The following RAB6A variants were observed in gnomAD, a reference collection of about 807,000 sequenced individuals.
RAB6A encodes ras-related protein Rab-6A.
A neutral mutation model predicts 32.3 loss-of-function variants in RAB6A; 8 were observed. That is an observed-to-expected ratio of 0.25 (90% CI 0.15 to 0.45). The LOEUF (loss-of-function observed/expected upper bound fraction) is 0.45. Ranked by LOEUF, RAB6A falls within the 20% of genes least tolerant of loss-of-function variation. RAB6A has a pLI of 1.00. For missense variants in RAB6A, 104 were observed against 249.4 expected (o/e 0.42, Z 3.93); for synonymous variants, 73 against 82.1 (o/e 0.89, Z 0.60).
In RAB6A at chr11:73,760,103, A is replaced by C. The variant is rs959709595; in HGVS notation, c.70+463T>G. 3 of 1,291,034 alleles carry C rather than the reference A, an allele frequency of 2.3e-6. No homozygotes were observed. In the African/African-American group the frequency reaches 4.6e-5, roughly 20 times the overall value. 80.0% of individuals were successfully genotyped at this position (1,291,034 alleles called of 1,614,324 possible). On this transcript the variant is annotated intron_variant, in intron 1 of 7. Coordinates refer to ENST00000336083, the MANE Select transcript of RAB6A (RefSeq NM_198896.2). ...AGCCTCTGGGGAAAACAACGCCCAGATCCCACCCTCCTTGGCCAAGGTTGA... is the reference window on the plus strand; with the variant it reads ...AGCCTCTGGGGAAAACAACGCCCAGCTCCCACCCTCCTTGGCCAAGGTTGA...
chr11:73,717,138 G>A (rs189686205), intron 4 of RAB6A, among the ~76,000 whole-genome samples: 1 of 152,150 alleles, frequency 6.6e-6, no homozygotes, highest in African/African-American at 2.4e-5. Flanking sequence ...AAGTAAAGGT[G>A]CAAAGGAAGA....
At chr11:73,743,755 T>C (rs1188977410) in intron 1 of RAB6A, among the ~76,000 whole-genome samples, 2 of 152,194 alleles carry the variant, frequency 1.3e-5, no homozygotes, top group Non-Finnish European at 2.9e-5. Flanking sequence ...CTATGTACTT[T>C]AGAGGCTCTG....
chr11:73,711,540 ATATTACAAATAGTGCTAGG>A lies in RAB6A; in HGVS notation c.402-4046_402-4028del, dbSNP rs1387675291. Among the ~76,000 whole-genome samples, 11 of 152,316 alleles carry A rather than the reference ATATTACAAATAGTGCTAGG, an allele frequency of 7.2e-5. No homozygotes were observed. The East Asian group carries it at 1.5e-3, about 21-fold the overall frequency. The stretch of plus-strand genomic sequence containing the variant: ...CACCTGCGTTGTTTACAGTCTTTAG[ATATTACAAATAGTGCTAGG>A]TATTACAAATAGTGCTATAGGAAAT... On this transcript the variant is annotated intron_variant, in intron 5 of 7. Coordinates refer to ENST00000336083, the MANE Select transcript of RAB6A (RefSeq NM_198896.2).
At chr11:73,693,713 G>A (rs1033199210) in intron 6 of RAB6A, among the ~76,000 whole-genome samples, 13 of 151,946 alleles carry the variant, frequency 8.6e-5, no homozygotes, top group Admixed American at 3.9e-4. Flanking sequence ...GTGAGACCTC[G>A]TCTCTACTAA....
At chr11:73,734,951 T>G (rs921303077) in intron 1 of RAB6A, among the ~76,000 whole-genome samples, 9 of 152,212 alleles carry the variant, frequency 5.9e-5, no homozygotes, top group South Asian at 2.1e-4. Context: ...AAGCCTGAAA[T>G]GAGAAATGCT....
intron 5 of RAB6A, among the ~76,000 whole-genome samples, chr11:73,710,938 CT>C (rs1945948876): frequency 6.6e-6 from 1 of 152,104 alleles, no homozygotes; most frequent in East Asian, 1.9e-4. Flanking sequence ...TTTATCTTTC[CT>C]TTTTGGCCCT....
At chr11:73,678,437 C>T (rs1386138307) in intron 7 of RAB6A, among the ~76,000 whole-genome samples, 4 of 151,822 alleles carry the variant, frequency 2.6e-5, no homozygotes, top group South Asian at 2.1e-4. Context: ...GCCAACATGG[C>T]GAAACCCCAT....
At chr11:73,738,874 T>C (rs1476790715) in intron 1 of RAB6A, among the ~76,000 whole-genome samples, 1 of 150,980 alleles carries the variant, frequency 6.6e-6, no homozygotes, top group Non-Finnish European at 1.5e-5. Flanking sequence ...AGCCTGGGAG[T>C]CGGAGGCTGC....
chr11:73,709,606 T>C (rs1945908642), intron 5 of RAB6A, among the ~76,000 whole-genome samples: 1 of 150,132 alleles, frequency 6.7e-6, no homozygotes, highest in African/African-American at 2.4e-5. Context: ...AATAACTTCT[T>C]TGATTTATGG....
intron 6 of RAB6A, among the ~76,000 whole-genome samples, chr11:73,685,530 G>A (rs535994966): frequency 7.3e-6 from 1 of 136,822 alleles, no homozygotes; most frequent in African/African-American, 2.7e-5. Context: ...CTCATGATCC[G>A]CCTGCCTCAG....
chr11:73,703,583 A>T (rs932228542), intron 6 of RAB6A, among the ~76,000 whole-genome samples: 4 of 152,114 alleles, frequency 2.6e-5, no homozygotes, highest in African/African-American at 9.7e-5. Flanking sequence ...CTCTACAAAA[A>T]ATATAAAAAT....
intron 5 of RAB6A, among the ~76,000 whole-genome samples, chr11:73,708,453 G>A (rs1365337251): frequency 1.3e-5 from 2 of 152,212 alleles, no homozygotes; most frequent in Non-Finnish European, 2.9e-5. Flanking sequence ...AGAGGCGTGA[G>A]CCACCGTGCC....
intron 6 of RAB6A, among the ~76,000 whole-genome samples, chr11:73,698,849 A>ATTTTTTT (rs555410867): frequency 8.5e-6 from 1 of 118,260 alleles, no homozygotes. Context: ...TTTTTTTGCG[A>ATTTTTTT]TTTTTTTTTT....
At chr11:73,739,304 T>A (rs113133206) in intron 1 of RAB6A, among the ~76,000 whole-genome samples, 1,357 of 31,450 alleles carry the variant, frequency 0.043, 139 homozygotes, top group Non-Finnish European at 0.055. Context: ...TATATATATA[T>A]AAATACTGGA....
intron 1 of RAB6A, among the ~76,000 whole-genome samples, chr11:73,741,466 C>A (rs12365044): frequency 0.1 from 15,767 of 151,820 alleles, 899 homozygotes; most frequent in South Asian, 0.27. Context: ...TATGATCCAG[C>A]GACCATGCTC....
intron 7 of RAB6A, 46 bp from the exon 8 acceptor site, chr11:73,678,008 A>G (rs1016720025): frequency 1.0e-5 from 16 of 1,586,870 alleles, no homozygotes; most frequent in Admixed American, 1.7e-5. Flanking sequence ...TACAATTTCA[A>G]TTCTTCCAAA....
Position 73,676,915 on chromosome 11 carries a change from T to G in RAB6A, c.*983A>C, listed in dbSNP as rs1945276902. 6.0e-6 allele frequency: 1 copy of G among 166,984 alleles called. No homozygotes were observed. 10.3% of individuals were successfully genotyped at this position (166,984 alleles called of 1,614,324 possible). On this transcript the variant is annotated 3_prime_UTR_variant, in exon 8 of 8. Transcript: ENST00000336083. ...TGGTTCTTCTGGAAGGAATTAAAAC[T>G]TTTACAGTGCCTTGCCTGCACAGTA... is the stretch of plus-strand genomic sequence containing the variant.
intron 1 of RAB6A, among the ~76,000 whole-genome samples, chr11:73,752,403 C>T (rs775774789): frequency 1.3e-5 from 2 of 152,146 alleles, no homozygotes; most frequent in Non-Finnish European, 2.9e-5. Context: ...TTGGAGTAAG[C>T]CAAGATTGCA....
intron 6 of RAB6A, among the ~76,000 whole-genome samples, chr11:73,699,763 C>T (rs574108687): frequency 2.0e-5 from 3 of 152,252 alleles, no homozygotes; most frequent in South Asian, 4.1e-4. Context: ...AGTGGTCTAG[C>T]GTGCCACACT....
Sources: gnomAD v4.1 joint callset for allele counts (sites outside exome capture counted in the v4.1 genomes callset) on GRCh38, gnomAD v4.1.1 for gene constraint, MANE v1.5 for transcripts, NCBI Gene and HGNC (gene_info 2026-07-23, HGNC 2026-07-21) for gene names.